The following MARCHF4 variants were observed in gnomAD, a reference collection of about 807,000 sequenced individuals.
MARCHF4 encodes E3 ubiquitin-protein ligase MARCHF4.
Under a neutral mutation model 43.9 loss-of-function variants are expected in MARCHF4, and 14 were observed. That is an observed-to-expected ratio of 0.32 (90% CI 0.21 to 0.50). The LOEUF is 0.50. Ranked by LOEUF, MARCHF4 falls within the 20% of genes least tolerant of loss-of-function variation. The probability of loss-of-function intolerance (pLI) is 0.98; values close to 1 mark genes in which losing one functional copy is unlikely to be tolerated. For missense variants in MARCHF4, 468 were observed against 536.7 expected (o/e 0.87, Z 1.27); for synonymous variants, 226 against 213.3 (o/e 1.06, Z -0.52).
intron 1 of MARCHF4, among the ~76,000 whole-genome samples, chr2:216,325,497 C>T (rs1372517903): frequency 3.9e-5 from 6 of 152,002 alleles, no homozygotes; most frequent in Admixed American, 6.6e-5. Flanking sequence ...AAAAAGAGCC[C>T]GCATTGCCAA....
intron 1 of MARCHF4, among the ~76,000 whole-genome samples, chr2:216,341,015 C>T (rs1280599173): frequency 2.0e-5 from 3 of 152,172 alleles, no homozygotes; most frequent in Admixed American, 6.5e-5. Context: ...CAGTCAGTCC[C>T]TCTTCCTCCT....
intron 1 of MARCHF4, among the ~76,000 whole-genome samples, chr2:216,298,265 T>TTG (rs1691429645): frequency 7.1e-6 from 1 of 139,956 alleles, no homozygotes; most frequent in Non-Finnish European, 1.6e-5. Flanking sequence ...GGTTTTTTTT[T>TTG]TTTTTTTTTT....
chr2:216,298,010 T>C (rs933903647), intron 1 of MARCHF4, among the ~76,000 whole-genome samples: 3 of 152,218 alleles, frequency 2.0e-5, no homozygotes, highest in Admixed American at 2.0e-4. Context: ...TTACCTTTTT[T>C]ATTTCAGATG....
At chr2:216,327,562 C>T (rs1286629109) in intron 1 of MARCHF4, among the ~76,000 whole-genome samples, 1 of 152,122 alleles carries the variant, frequency 6.6e-6, no homozygotes, top group East Asian at 1.9e-4. Context: ...TTTTCTGCAA[C>T]CTCTCTCAGT....
At chr2:216,331,686 G>A (rs763638305) in intron 1 of MARCHF4, among the ~76,000 whole-genome samples, 4 of 152,130 alleles carry the variant, frequency 2.6e-5, no homozygotes, top group Non-Finnish European at 2.9e-5. Context: ...AATGAAAACC[G>A]ATCAACGTAG....
intron 1 of MARCHF4, among the ~76,000 whole-genome samples, chr2:216,345,021 A>G (rs1359181687): frequency 6.6e-6 from 1 of 152,026 alleles, no homozygotes; most frequent in Non-Finnish European, 1.5e-5. Flanking sequence ...GCTGAACCCA[A>G]TTTTCTCAGC....
chr2:216,280,605 T>C (rs1040217597), intron 2 of MARCHF4, among the ~76,000 whole-genome samples: 2 of 152,128 alleles, frequency 1.3e-5, no homozygotes, highest in African/African-American at 4.8e-5. Context: ...AAAATACAGA[T>C]CAGCCTGTCA....
At chr2:216,322,407 G>A (rs772034663) in intron 1 of MARCHF4, among the ~76,000 whole-genome samples, 1 of 152,196 alleles carries the variant, frequency 6.6e-6, no homozygotes, top group Non-Finnish European at 1.5e-5. Context: ...TAACTAGGGG[G>A]TCCATCAGTG....
At chr2:216,268,902 A>G (rs1690889362) in intron 3 of MARCHF4, among the ~76,000 whole-genome samples, 1 of 152,204 alleles carries the variant, frequency 6.6e-6, no homozygotes, top group Admixed American at 6.5e-5. Context: ...ATGTTTGTAC[A>G]ATCCTGCTGC....
chr2:216,318,494 G>A (rs1488244892), intron 1 of MARCHF4, among the ~76,000 whole-genome samples: 1 of 152,202 alleles, frequency 6.6e-6, no homozygotes, highest in African/African-American at 2.4e-5. Context: ...ATAAAGGGAT[G>A]GAGAGCAATG....
Position 216,277,706 on chromosome 2 carries a change from G to A in MARCHF4, c.831C>T (p.Tyr277=), listed in dbSNP as rs138565372. Residue 277 remains tyrosine, a synonymous_variant, in exon 3 of 4, where the codon TAC becomes TAT. Transcript: ENST00000273067. ...QRQDLLFQIC[Y]GMYGFMDVVC... ...CCACGTCCATGAAGCCATACATCCC[G>A]TAGCAGATCTGGAAGAGAAGGTCTT... The A allele has an allele frequency of 3.7e-5, 60 of 1,613,720 alleles. No homozygotes were observed. The highest frequency in any genetic ancestry group is 1.7e-4 in the Admixed American group (10 of 59,996).
intron 3 of MARCHF4, among the ~76,000 whole-genome samples, chr2:216,272,586 T>C (rs1690957772): frequency 6.6e-6 from 1 of 152,214 alleles, no homozygotes; most frequent in South Asian, 2.1e-4. Context: ...GCTCCACCAT[T>C]TTCTTAGCTG....
At position 216,302,896 on chromosome 2, in the gene MARCHF4, TCAAAAAAAAAAAAA is replaced by T. The variant is rs1281345067; in HGVS notation, c.517-19181_517-19168del. Among the ~76,000 whole-genome samples the T allele has an allele frequency of 1.6e-4, 11 of 68,868 alleles. No homozygotes were observed. The East Asian group carries it at 3.7e-3, about 23-fold the overall frequency. The allele number at this position is 68,868 out of a possible 152,430, so 45.2% of individuals were successfully genotyped here. ...CTGGGTGACAAGGTGAGACTCTGTA[TCAAAAAAAAAAAAA>T]AAAAAAAAAAAAAGAAAATGGCATT... On this transcript the variant is annotated intron_variant, in intron 1 of 3. Coordinates refer to ENST00000273067, the MANE Select transcript of MARCHF4 (RefSeq NM_020814.3).
chr2:216,369,165 C>T (rs1277919241), intron 1 of MARCHF4, among the ~76,000 whole-genome samples: 5 of 152,164 alleles, frequency 3.3e-5, no homozygotes, highest in Non-Finnish European at 7.4e-5. Flanking sequence ...ATCATATAGT[C>T]TTGGACCTAG....
At chr2:216,299,658 G>A (rs1411957086) in intron 1 of MARCHF4, among the ~76,000 whole-genome samples, 2 of 152,196 alleles carry the variant, frequency 1.3e-5, no homozygotes, top group South Asian at 2.1e-4. Flanking sequence ...TTCTGGCTCC[G>A]TCATTTACTA....
Position 216,302,036 on chromosome 2 carries a change from A to G in MARCHF4, c.517-18307T>C, listed in dbSNP as rs183943258. On this transcript the variant is annotated intron_variant, in intron 1 of 3. Coordinates refer to ENST00000273067, the MANE Select transcript of MARCHF4 (RefSeq NM_020814.3). The stretch of plus-strand genomic sequence containing the variant: ...TGTTGGCAAAAAGCAAAGCAGAACA[A>G]CAAAAAAACGCAAGCAAAATCATTG... Among the ~76,000 whole-genome samples the G allele has an allele frequency of 6.1e-3, 929 of 152,278 alleles. 7 individuals carry two copies. Among genetic ancestry groups the G allele is most frequent in the African/African-American group, 0.021 (882 of 41,546 alleles).
At chr2:216,315,021 T>TA (rs1691751942) in intron 1 of MARCHF4, among the ~76,000 whole-genome samples, 1 of 152,160 alleles carries the variant, frequency 6.6e-6, no homozygotes, top group African/African-American at 2.4e-5. Flanking sequence ...GGTAAACTGG[T>TA]AAAAATCATT....
At chr2:216,287,037 G>A (rs538760865) in intron 1 of MARCHF4, among the ~76,000 whole-genome samples, 1 of 152,260 alleles carries the variant, frequency 6.6e-6, no homozygotes, top group East Asian at 1.9e-4. Context: ...TTCACCACCC[G>A]CTGTGCTCAT....
At chr2:216,282,791 C>A (rs973857289) in intron 2 of MARCHF4, among the ~76,000 whole-genome samples, 4 of 152,134 alleles carry the variant, frequency 2.6e-5, no homozygotes, top group African/African-American at 9.7e-5. Context: ...GGCCCTCATT[C>A]CACCCTGGCC....
Sources: gnomAD v4.1 joint callset for allele counts (sites outside exome capture counted in the v4.1 genomes callset) on GRCh38, gnomAD v4.1.1 for gene constraint, MANE v1.5 for transcripts, NCBI Gene and HGNC (gene_info 2026-07-23, HGNC 2026-07-21) for gene names.